SDK2: variants seen among roughly 807,000 people sequenced by gnomAD.
SDK2 encodes the protein protein sidekick-2.
SDK2 carries 105 observed loss-of-function variants against 253.9 expected under a neutral mutation model. That is an observed-to-expected ratio of 0.41 (90% CI 0.35 to 0.49). The LOEUF is 0.49. SDK2 is among the 20% of genes least tolerant of loss of function. The probability of loss-of-function intolerance (pLI) is 0.06; values close to 1 mark genes in which losing one functional copy is unlikely to be tolerated. For synonymous variants in SDK2, 1,249 were observed against 1,234.9 expected (o/e 1.01, Z -0.24); for missense variants, 2,608 against 3,003.0 (o/e 0.87, Z 3.07).
At position 73,344,902 on chromosome 17, in the gene SDK2, T is replaced by C. The variant is rs987736068; in HGVS notation, c.6165+3697A>G. Among the ~76,000 whole-genome samples the C allele has an allele frequency of 2.0e-5, 3 of 152,356 alleles. No individual in the cohort carries two copies. The South Asian group carries it at 6.2e-4, about 32-fold the overall frequency. On this transcript the variant is annotated intron_variant, in intron 44 of 44. Coordinates refer to ENST00000392650, the MANE Select transcript of SDK2 (RefSeq NM_001144952.2). ...CGCTTCCCTTCTAGGCATGACCCAG[T>C]GCTGTTCACACTTTGAGGCCCAGCT... is the stretch of plus-strand genomic sequence containing the variant.
In SDK2 at chr17:73,511,383, G is replaced by C. The variant is rs1254761012; in HGVS notation, c.65-3786C>G. Among the ~76,000 whole-genome samples, 1 of 152,196 alleles carries C rather than the reference G, an allele frequency of 6.6e-6. No homozygotes were observed. Among genetic ancestry groups the C allele is most frequent in the African/African-American group, 2.4e-5 (1 of 41,446 alleles). On this transcript the variant is annotated intron_variant, in intron 1 of 44. Transcript: ENST00000392650. The surrounding 1 kb of genome is among the most constrained non-coding windows in gnomAD (Gnocchi z 4.9). ...GCACGCACACGCTCTGCGCCCAGAC[G>C]CCCTCGCCTCTGTAAACCTGCTCAC...
At chr17:73,422,463 G>A (rs1216311585) in intron 14 of SDK2, 29 bp from the exon 15 acceptor site, 1 of 1,606,164 alleles carries the variant, frequency 6.2e-7, no homozygotes, top group Admixed American at 1.7e-5. Context: ...GGGCAGAAGT[G>A]GGTATCTTGG....
chr17:73,508,245 C>G (rs1024858087), intron 1 of SDK2, among the ~76,000 whole-genome samples: 2 of 152,258 alleles, frequency 1.3e-5, no homozygotes, highest in Admixed American at 6.5e-5. Flanking sequence ...GCTTCCCCCT[C>G]TCTGCAGTCA....
At chr17:73,441,149 C>T (rs1049323041) in intron 5 of SDK2, among the ~76,000 whole-genome samples, 7 of 152,266 alleles carry the variant, frequency 4.6e-5, no homozygotes, top group East Asian at 1.9e-4. Context: ...AGAGACATCG[C>T]TGACCTTGAC....
chr17:73,560,317 G>A (rs1182730405), intron 1 of SDK2, among the ~76,000 whole-genome samples: 1 of 152,166 alleles, frequency 6.6e-6, no homozygotes, highest in African/African-American at 2.4e-5. Flanking sequence ...GCACCCGACC[G>A]TGCCTCGCAT....
chr17:73,566,321 G>GTGTGTA (rs2045312511), intron 1 of SDK2, among the ~76,000 whole-genome samples: 1 of 141,458 alleles, frequency 7.1e-6, no homozygotes, highest in African/African-American at 2.6e-5. Flanking sequence ...ATATATATAT[G>GTGTGTA]TGTGTGTGTG....
intron 1 of SDK2, among the ~76,000 whole-genome samples, chr17:73,533,086 C>CAGCCCTCT: frequency 6.6e-6 from 1 of 152,328 alleles, no homozygotes; most frequent in African/African-American, 2.4e-5. Flanking sequence ...TCTCTCTGTC[C>CAGCCCTCT]AGCCCTCTGT....
chr17:73,521,159 C>A (rs2064076034), intron 1 of SDK2: 1 of 151,188 alleles, frequency 6.6e-6, no homozygotes, highest in Non-Finnish European at 1.5e-5. Context: ...TCCACTTTAG[C>A]CTCTCGAGTA....
At chr17:73,350,146 TG>T in intron 43 of SDK2, 90 bp downstream of exon 43, 1 of 713,212 alleles carries the variant, frequency 1.4e-6, no homozygotes, top group Non-Finnish European at 1.7e-6. Context: ...TATGGCCAGG[TG>T]GGCACTCCCT....
intron 1 of SDK2, among the ~76,000 whole-genome samples, chr17:73,633,774 C>T (rs777688112): frequency 2.0e-5 from 3 of 152,120 alleles, no homozygotes; most frequent in Non-Finnish European, 4.4e-5. Context: ...AAGTGCCCAG[C>T]GAGACATCTA....
Position 73,383,182 on chromosome 17 carries a change from G to A in SDK2, c.4705+694C>T, listed in dbSNP as rs565791144. 2.0e-5 allele frequency among the ~76,000 whole-genome samples: 3 copies of A among 152,260 alleles called. No homozygotes were observed. Among genetic ancestry groups the A allele is most frequent in the South Asian group, 4.2e-4 (2 of 4,814 alleles). On this transcript the variant is annotated intron_variant, in intron 33 of 44. Coordinates refer to ENST00000392650, the MANE Select transcript of SDK2 (RefSeq NM_001144952.2). The surrounding 1 kb of genome is among the most constrained non-coding windows in gnomAD (Gnocchi z 4.3). ...TGACTGCAACAGCCTCTATCTGGGC[G>A]CCTGCCTCTGGCTCTCCATCCTCCC...
intron 1 of SDK2, among the ~76,000 whole-genome samples, chr17:73,602,114 G>T (rs1156464344): frequency 6.6e-6 from 1 of 152,180 alleles, no homozygotes; most frequent in Non-Finnish European, 1.5e-5. Context: ...AATACAGGTA[G>T]GTAGGTGAGT....
intron 2 of SDK2, among the ~76,000 whole-genome samples, chr17:73,497,190 G>A (rs939051227): frequency 3.9e-5 from 6 of 152,174 alleles, no homozygotes; most frequent in African/African-American, 9.7e-5. Flanking sequence ...GAGCCACTGC[G>A]CCCAGCCTGA....
In SDK2 at chr17:73,467,667, T is replaced by C. The variant is rs984689563; in HGVS notation, c.331+4445A>G. Among the ~76,000 whole-genome samples, 5 of 152,158 alleles carry C rather than the reference T, an allele frequency of 3.3e-5. No individual in the cohort carries two copies. The highest frequency in any genetic ancestry group is 1.2e-4 in the African/African-American group (5 of 41,442). On this transcript the variant is annotated intron_variant, in intron 3 of 44. Transcript: ENST00000392650. This position sits in a 1 kb window ranked among gnomAD's most constrained non-coding sequence, Gnocchi z 4.1. ...GGGAGGTATGCTTCTCTCCTTCCCA[T>C]CCTGGCTGGGTGAAACCTTCCTTAG...
chr17:73,600,056 T>C (rs2045815446), intron 1 of SDK2, among the ~76,000 whole-genome samples: 1 of 152,242 alleles, frequency 6.6e-6, no homozygotes, highest in Non-Finnish European at 1.5e-5. Flanking sequence ...GGTTGCTAAA[T>C]AAACAACCAC....
intron 1 of SDK2, among the ~76,000 whole-genome samples, chr17:73,544,427 C>T (rs1423697672): frequency 6.6e-6 from 1 of 152,110 alleles, no homozygotes; most frequent in Non-Finnish European, 1.5e-5. Context: ...TTTGTGTCAC[C>T]GTCAAAGTCT....
At chr17:73,419,029 G>A in intron 16 of SDK2, 137 bp downstream of exon 16, 1 of 922,646 alleles carries the variant, frequency 1.1e-6, no homozygotes, top group Non-Finnish European at 1.6e-6. Context: ...CCACTGAGTA[G>A]GCATTTCTTG....
intron 1 of SDK2, among the ~76,000 whole-genome samples, chr17:73,525,262 C>T (rs1397900658): frequency 3.3e-5 from 5 of 152,068 alleles, no homozygotes; most frequent in Admixed American, 2.6e-4. Flanking sequence ...AAGCAGCCCT[C>T]GAGGGGGTGA....
At chr17:73,635,885 C>T (rs1259323648) in intron 1 of SDK2, among the ~76,000 whole-genome samples, 1 of 152,112 alleles carries the variant, frequency 6.6e-6, no homozygotes, top group African/African-American at 2.4e-5. Context: ...GAGCAGAAGA[C>T]CTTCAATATT....
Sources: gnomAD v4.1 joint callset for allele counts (sites outside exome capture counted in the v4.1 genomes callset) on GRCh38, gnomAD v4.1.1 for gene constraint, Gnocchi (gnomAD v3.1) non-coding constraint, MANE v1.5 for transcripts, NCBI Gene and HGNC (gene_info 2026-07-23, HGNC 2026-07-21) for gene names.